The following IARS2 variants were observed in gnomAD, a reference collection of about 807,000 sequenced individuals.
The protein encoded by IARS2 is isoleucine--tRNA ligase, mitochondrial.
IARS2 carries 56 observed loss-of-function variants against 126.3 expected under a neutral mutation model. The ratio of observed to expected loss-of-function variants is 0.44; its 90% CI spans 0.36 to 0.55. The LOEUF (loss-of-function observed/expected upper bound fraction) is 0.55. IARS2 is among the 20% of genes least tolerant of loss of function. IARS2 has a pLI of 0.00. For synonymous variants in IARS2, 407 were observed against 441.1 expected, an observed-to-expected ratio of 0.92 and a Z score of 0.97; for missense variants, 1,127 against 1,245.9, an observed-to-expected ratio of 0.90 and a Z score of 1.44.
At chr1:220,113,051 G>GA (rs1656842667) in intron 11 of IARS2, among the ~76,000 whole-genome samples, 1 of 152,042 alleles carries the variant, frequency 6.6e-6, no homozygotes, top group Non-Finnish European at 1.5e-5. Flanking sequence ...TTTTGGTAGA[G>GA]ACGGAGTTTC....
At chr1:220,098,681 T>A (rs1017908018) in intron 2 of IARS2, among the ~76,000 whole-genome samples, 8 of 152,126 alleles carry the variant, frequency 5.3e-5, no homozygotes, top group Non-Finnish European at 1.2e-4. Context: ...GGAACAGAGA[T>A]AAATGACTCT....
Position 220,141,005 on chromosome 1 carries a change from T to C in IARS2, c.2414+716T>C, listed in dbSNP as rs910665363. On this transcript the variant is annotated intron_variant, in intron 19 of 22. Transcript: ENST00000366922. Reference sequence around the variant, plus strand: ...TCTCAAAAAAAAAAAAAAAAAAAGATTGGGTTCCGGAGTCAAGTCTGAGTA... The same window carrying C: ...TCTCAAAAAAAAAAAAAAAAAAAGACTGGGTTCCGGAGTCAAGTCTGAGTA... 4.7e-5 allele frequency among the ~76,000 whole-genome samples: 7 copies of C among 148,664 alleles called. No individual in the cohort carries two copies. The South Asian group carries it at 6.4e-4, about 14-fold the overall frequency.
At chr1:220,127,662 T>C (rs926568006) in intron 14 of IARS2, among the ~76,000 whole-genome samples, 1 of 152,188 alleles carries the variant, frequency 6.6e-6, no homozygotes, top group African/African-American at 2.4e-5. Context: ...CCTGTTTGCT[T>C]TCTGGAGTAA....
In IARS2 at chr1:220,134,419, G is replaced by C; in HGVS notation, c.1855G>C (p.Asp619His). Residue 619 changes from aspartate (D) to histidine (H), a missense_variant, in exon 15 of 23, where the codon GAT (aspartate) becomes CAT (histidine). Asp to His is a moderately conservative substitution (Grantham distance 81). Transcript: ENST00000366922. ...ATTTTGAGGTCCTGACCAAAGAGCA[G>C]ATTTGTACTTGGAAGGAAAAGACCA... is the stretch of plus-strand genomic sequence containing the variant. The part of the protein sequence containing the change: ...YVLPGPDQRA[D>H]LYLEGKDQLG... The C allele has an allele frequency of 6.2e-7, 1 of 1,608,168 alleles. No homozygotes were observed. Among genetic ancestry groups the C allele is most frequent in the South Asian group, 1.1e-5 (1 of 89,936 alleles).
chr1:220,127,877 G>A (rs1040537117), intron 14 of IARS2, among the ~76,000 whole-genome samples: 1 of 152,012 alleles, frequency 6.6e-6, no homozygotes, highest in African/African-American at 2.4e-5. Flanking sequence ...TAATTTTTTT[G>A]TAGTGATTTT....
intron 15 of IARS2, chr1:220,134,748 T>C (rs1037023835): frequency 1.2e-5 from 4 of 323,652 alleles, no homozygotes; most frequent in African/African-American, 2.1e-5. Flanking sequence ...GGGGAACTTA[T>C]GTAGTTCTTT....
rs1275929258 is a variant in IARS2, at chr1:220,094,400, G to A, written c.184G>A (p.Asp62Asn). 2 of 1,612,150 alleles carry A rather than the reference G, an allele frequency of 1.2e-6. No homozygotes were observed. ...GAACTCGAATAGTGGCAGATACCGGGACACGGTGCTGCTGCCGCAGACGAG... is the reference window on the plus strand; with the variant it reads ...GAACTCGAATAGTGGCAGATACCGGAACACGGTGCTGCTGCCGCAGACGAG... Reference protein sequence around the residue: ...QPNSNSGRYRDTVLLPQTSFP... With the variant: ...QPNSNSGRYRNTVLLPQTSFP... The change falls in exon 1 of 23, where the codon GAC becomes AAC. Residue 62 changes from aspartate (D) to asparagine (N), a missense_variant. Physicochemically the swap from Asp to Asn is conservative, Grantham distance 23. Coordinates refer to ENST00000366922, the MANE Select transcript of IARS2 (RefSeq NM_018060.4).
intron 3 of IARS2, among the ~76,000 whole-genome samples, chr1:220,101,510 G>A (rs1656569524): frequency 6.6e-6 from 1 of 151,632 alleles, no homozygotes; most frequent in African/African-American, 2.4e-5. Context: ...GACCAGCCTG[G>A]CCAACATGGC....
intron 7 of IARS2, 109 bp from the exon 8 acceptor site, chr1:220,103,338 G>A (rs768712395): frequency 1.2e-5 from 8 of 679,568 alleles, no homozygotes; most frequent in Middle Eastern, 3.9e-4. Context: ...ATGAGCCACC[G>A]CGCTGGCCTG....
intron 1 of IARS2, among the ~76,000 whole-genome samples, chr1:220,094,926 C>A (rs552634373): frequency 6.6e-6 from 1 of 151,906 alleles, no homozygotes; most frequent in Non-Finnish European, 1.5e-5. Flanking sequence ...TCGCTTGAGC[C>A]AAGAGTTCGA....
Position 220,108,856 on chromosome 1 carries a change from C to CTTTT in IARS2, c.1327+1728_1327+1731dup, listed in dbSNP as rs35836043. 7.5e-3 allele frequency among the ~76,000 whole-genome samples: 513 copies of CTTTT among 68,234 alleles called. 41 individuals are homozygous for CTTTT. Among genetic ancestry groups the CTTTT allele is most frequent in the East Asian group, 0.017 (28 of 1,640 alleles). The allele number at this position is 68,234 out of a possible 152,430, so 44.8% of individuals were successfully genotyped here. On this transcript the variant is annotated intron_variant, in intron 10 of 22. Coordinates refer to ENST00000366922, the MANE Select transcript of IARS2 (RefSeq NM_018060.4). ...TCTTAAATGTCTCTCTGTGAATCCTCTTTTTTTTTTTTTTTTTTTTTTTTT... is the reference window on the plus strand; with the variant it reads ...TCTTAAATGTCTCTCTGTGAATCCTCTTTTTTTTTTTTTTTTTTTTTTTTTTTTT...
rs375633962 is a variant in IARS2, at chr1:220,139,101, C to G, written c.2269C>G (p.Gln757Glu). 2 of 1,612,040 alleles carry G rather than the reference C, an allele frequency of 1.2e-6. No individual in the cohort carries two copies. The highest frequency in any genetic ancestry group is 1.7e-6 in the Non-Finnish European group (2 of 1,178,644). Residue 757 changes from glutamine (Q) to glutamate (E), a missense_variant, in exon 18 of 23, where the codon CAG (glutamine) becomes GAG (glutamate). Coordinates refer to ENST00000366922, the MANE Select transcript of IARS2 (RefSeq NM_018060.4). ...IPVNDMYVIDQYMLHLLQDLA... is the reference protein window; with the variant it reads ...IPVNDMYVIDEYMLHLLQDLA... ...TGTAAACGATATGTATGTCATAGAC[C>G]AGTACATGCTACACTTACTGCAGGA... is the stretch of plus-strand genomic sequence containing the variant.
chr1:220,106,984 A>G lies in IARS2; in HGVS notation c.1237-77A>G, dbSNP rs1366410044. On this transcript the variant is annotated intron_variant, in intron 9 of 22. Coordinates refer to ENST00000366922, the MANE Select transcript of IARS2 (RefSeq NM_018060.4). Reference sequence around the variant, plus strand: ...GACCAGGCTATACTGAGATGTTTTTATATATATTGTTTTGCCAGATATTGT... The same window carrying G: ...GACCAGGCTATACTGAGATGTTTTTGTATATATTGTTTTGCCAGATATTGT... 7.2e-6 allele frequency: 7 copies of G among 972,678 alleles called. No homozygotes were observed. In the African/African-American group the frequency reaches 9.7e-5, roughly 13 times the overall value. The allele number at this position is 972,678 out of a possible 1,614,324, so 60.3% of individuals were successfully genotyped here. A position where few individuals can be genotyped will look rare whatever the true frequency, so the allele number is the denominator to read the frequency against.
At chr1:220,120,865 G>T (rs1234925429) in intron 12 of IARS2, among the ~76,000 whole-genome samples, 1 of 151,950 alleles carries the variant, frequency 6.6e-6, no homozygotes, top group Non-Finnish European at 1.5e-5. Context: ...TCTCATAATA[G>T]AACCGAATTA....
rs755004683 is a variant in IARS2, at chr1:220,102,762, A to T, written c.935A>T (p.Tyr312Phe). ...ATTCCAGCCAATGAAGCTGTTTGCT[A>T]TATGCCTGAATCAAAGTGGGTATAT... is the stretch of plus-strand genomic sequence containing the variant. The part of the protein sequence containing the change: ...WTIPANEAVC[Y>F]MPESKYAVVK... The change falls in exon 7 of 23, where the codon TAT becomes TTT. Residue 312 changes from tyrosine (Y) to phenylalanine (F), a missense_variant. By Grantham distance (22) the Tyr-to-Phe change is conservative (BLOSUM62 3). Transcript: ENST00000366922. The T allele has an allele frequency of 1.2e-6, 2 of 1,609,760 alleles. No homozygotes were observed. The highest frequency in any genetic ancestry group is 1.7e-6 in the Non-Finnish European group (2 of 1,176,186).
chr1:220,107,042 T>C lies in IARS2; in HGVS notation c.1237-19T>C. 1 of 1,496,834 alleles carries C rather than the reference T, an allele frequency of 6.7e-7. No individual in the cohort carries two copies. Among genetic ancestry groups the C allele is most frequent in the Non-Finnish European group, 9.3e-7 (1 of 1,073,398 alleles). The allele number at this position is 1,496,834 out of a possible 1,614,324, so 92.7% of individuals were successfully genotyped here. On this transcript the variant is annotated intron_variant, in intron 9 of 22. Coordinates refer to ENST00000366922, the MANE Select transcript of IARS2 (RefSeq NM_018060.4). ...GAAAATGTCTTGATATTTTAATTGT[T>C]CAAAATGATACTTTATAGGATTGTC...
intron 3 of IARS2, 92 bp downstream of exon 3, chr1:220,100,741 G>T (rs1398654284): frequency 2.4e-5 from 24 of 989,656 alleles, no homozygotes; most frequent in Non-Finnish European, 3.1e-5. Flanking sequence ...CCTTTTGTTT[G>T]GGTTTCGTTT....
Position 220,126,821 on chromosome 1 carries a change from T to C in IARS2, c.1815T>C (p.Thr605=), listed in dbSNP as rs1571857914. Residue 605 remains threonine (T), a synonymous_variant, in exon 14 of 23, where the codon ACT becomes ACC. Coordinates refer to ENST00000366922, the MANE Select transcript of IARS2 (RefSeq NM_018060.4). Reference sequence around the variant, plus strand: ...TGGACATCTGGTTTGATAGCGGAACTTCATGGTCTTATGTTCTTCCAGGTA... The same window carrying C: ...TGGACATCTGGTTTGATAGCGGAACCTCATGGTCTTATGTTCTTCCAGGTA... The part of the protein sequence containing the change: ...DILDIWFDSG[T]SWSYVLPGPD... 6.2e-7 allele frequency: 1 copy of C among 1,612,450 alleles called. No individual in the cohort carries two copies. The highest frequency in any genetic ancestry group is 2.2e-5 in the East Asian group (1 of 44,852).
At chr1:220,136,458 G>A (rs73098527) in intron 15 of IARS2, among the ~76,000 whole-genome samples, 5 of 151,936 alleles carry the variant, frequency 3.3e-5, no homozygotes, top group African/African-American at 7.2e-5. Flanking sequence ...GAAAGGTTTC[G>A]GCCGGGCAGG....
Sources: gnomAD v4.1 joint callset for allele counts (sites outside exome capture counted in the v4.1 genomes callset) on GRCh38, gnomAD v4.1.1 for gene constraint, MANE v1.5 for transcripts, NCBI Gene and HGNC (gene_info 2026-07-23, HGNC 2026-07-21) for gene names.